The following CLEC2D variants were observed in gnomAD, a reference collection of about 807,000 sequenced individuals.
CLEC2D encodes C-type lectin related f.
Under a neutral mutation model 20.0 loss-of-function variants are expected in CLEC2D, and 16 were observed. The observed-to-expected ratio is 0.80, with a 90% CI of 0.54 to 1.22. CLEC2D has a LOEUF of 1.22. Among genes scored for constraint, CLEC2D ranks in the 50% most tolerant of loss-of-function variants. CLEC2D has a pLI of 0.00. For synonymous variants in CLEC2D, 77 were observed against 71.1 expected (o/e 1.08, Z -0.42); for missense variants, 207 against 221.5 (o/e 0.93, Z 0.42).
In CLEC2D at chr12:9,699,093, A is replaced by T. The variant is rs114338296; in HGVS notation, c.*4219A>T. 6.6e-6 allele frequency: 1 copy of T among 152,166 alleles called. No homozygotes were observed. Among genetic ancestry groups the T allele is most frequent in the African/African-American group, 2.4e-5 (1 of 41,524 alleles). 9.4% of individuals were successfully genotyped at this position (152,166 alleles called of 1,614,324 possible). ...GACTTTGTCCCAGGCCATTTATGTG[A>T]TCTTCACCCCATTAAGTTCTCCCCA... On this transcript the variant is annotated 3_prime_UTR_variant, in exon 5 of 5. Coordinates refer to ENST00000290855, the MANE Select transcript of CLEC2D (RefSeq NM_013269.6).
intron 1 of CLEC2D, among the ~76,000 whole-genome samples, chr12:9,671,307 C>T (rs938492179): frequency 9.2e-5 from 14 of 152,090 alleles, no homozygotes; most frequent in East Asian, 5.8e-4. Context: ...CACTGCAAGC[C>T]CCGCCTCCTG....
rs1865396104 is a variant in CLEC2D at position 9,670,540 on chromosome 12, T to C, written c.61+745T>C. On this transcript the variant is annotated intron_variant, in intron 1 of 4. Coordinates refer to ENST00000290855, the MANE Select transcript of CLEC2D (RefSeq NM_013269.6). ...TTTATACCAAATGCTTTAAACTGTT[T>C]GTCGGATAGTTCCAACATCTCTGTC... 2.0e-5 allele frequency among the ~76,000 whole-genome samples: 3 copies of C among 152,240 alleles called. No individual in the cohort carries two copies. In the South Asian group the frequency reaches 6.2e-4, roughly 32 times the overall value.
At chr12:9,684,430 G>A (rs1865710296) in intron 2 of CLEC2D, among the ~76,000 whole-genome samples, 1 of 152,182 alleles carries the variant, frequency 6.6e-6, no homozygotes, top group Non-Finnish European at 1.5e-5. Context: ...GAATAGGAGT[G>A]GTGAGAGAGG....
chr12:9,675,946 G>A (rs1364162001), intron 1 of CLEC2D, among the ~76,000 whole-genome samples: 2 of 152,046 alleles, frequency 1.3e-5, no homozygotes, highest in Non-Finnish European at 2.9e-5. Flanking sequence ...GTTTATTTCT[G>A]GCATATAGAA....
At position 9,696,134 on chromosome 12, in the gene CLEC2D, A is replaced by G. The variant is rs1865988170; in HGVS notation, c.*1260A>G. ...ATAGAAAAACGTGGTTCTCTTCCCA[A>G]AGTGGAAACCAAGTTCATCAATTAT... On this transcript the variant is annotated 3_prime_UTR_variant, in exon 5 of 5. Coordinates refer to ENST00000290855, the MANE Select transcript of CLEC2D (RefSeq NM_013269.6). 7 of 939,266 alleles carry G rather than the reference A, an allele frequency of 7.5e-6. No individual in the cohort carries two copies. Among genetic ancestry groups the G allele is most frequent in the South Asian group, 2.6e-5 (2 of 77,600 alleles). The allele number at this position is 939,266 out of a possible 1,614,324, so 58.2% of individuals were successfully genotyped here. A position where few individuals can be genotyped will look rare whatever the true frequency, so the allele number is the denominator to read the frequency against.
rs906705327 is a variant in CLEC2D at position 9,692,107 on chromosome 12, T to C, written c.358-721T>C. Among the ~76,000 whole-genome samples the C allele has an allele frequency of 2.6e-5, 4 of 151,860 alleles. No individual in the cohort carries two copies. In the East Asian group the frequency reaches 7.7e-4, roughly 29 times the overall value. ...GTGTCTTTTCTTTCTCTTTCTTTCT[T>C]TCTTTCTTTCTCTTTCTTTCGTTCG... On this transcript the variant is annotated intron_variant, in intron 3 of 4. Coordinates refer to ENST00000290855, the MANE Select transcript of CLEC2D (RefSeq NM_013269.6).
intron 1 of CLEC2D, among the ~76,000 whole-genome samples, chr12:9,674,553 C>T (rs1452223578): frequency 6.6e-6 from 1 of 152,238 alleles, no homozygotes; most frequent in African/African-American, 2.4e-5. Context: ...TGGCCCCTCC[C>T]TTCAAGTATG....
Position 9,696,061 on chromosome 12 carries a change from A to T in CLEC2D, c.*1187A>T, listed in dbSNP as rs1865986224. The T allele has an allele frequency of 8.0e-7, 1 of 1,246,886 alleles. No homozygotes were observed. The highest frequency in any genetic ancestry group is 1.2e-6 in the Non-Finnish European group (1 of 860,020). 77.2% of individuals were successfully genotyped at this position (1,246,886 alleles called of 1,614,324 possible). Reference sequence around the variant, plus strand: ...ACAGGAAAAATCTCCTAAAACACCAAAAGGATCTAGTTCTGTAGAAGACAT... The same window carrying T: ...ACAGGAAAAATCTCCTAAAACACCATAAGGATCTAGTTCTGTAGAAGACAT... On this transcript the variant is annotated 3_prime_UTR_variant, in exon 5 of 5. Transcript: ENST00000290855.
In CLEC2D at chr12:9,691,960, G is replaced by A. The variant is rs115670497; in HGVS notation, c.358-868G>A. Among the ~76,000 whole-genome samples the A allele has an allele frequency of 3.2e-3, 488 of 152,186 alleles. 4 individuals are homozygous for A. The highest frequency in any genetic ancestry group is 0.011 in the African/African-American group (462 of 41,534). ...GAAAATTGTTTATATATTTAATTGC[G>A]TTAAAATTCAGAACTTGTAATCATA... On this transcript the variant is annotated intron_variant, in intron 3 of 4. Coordinates refer to ENST00000290855, the MANE Select transcript of CLEC2D (RefSeq NM_013269.6).
chr12:9,669,801 AAGCTGGGCTCTACAGAGTAAG>A lies in CLEC2D; in HGVS notation c.61+7_61+27del. The A allele has an allele frequency of 6.2e-7, 1 of 1,606,296 alleles. No homozygotes were observed. Among genetic ancestry groups the A allele is most frequent in the South Asian group, 1.1e-5 (1 of 90,958 alleles). On this transcript the variant is annotated splice_region_variant and intron_variant, in intron 1 of 4. Coordinates refer to ENST00000290855, the MANE Select transcript of CLEC2D (RefSeq NM_013269.6). ...TGAATTGCCTGCAAACCCAGGTAAG[AAGCTGGGCTCTACAGAGTAAG>A]TGTGAGGACTGGAATGGGAAGGTAG...
At chr12:9,681,159 C>A in intron 2 of CLEC2D, 126 bp downstream of exon 2, 1 of 559,288 alleles carries the variant, frequency 1.8e-6, no homozygotes, top group Non-Finnish European at 3.1e-6. Flanking sequence ...GAGTTACACT[C>A]CAATAACTTT....
Position 9,692,885 on chromosome 12 carries a change from C to G in CLEC2D, c.415C>G (p.Gln139Glu). Residue 139 changes from glutamine (Q) to glutamate (E), a missense_variant, in exon 4 of 5, where the codon CAA becomes GAA. Gln to Glu is a conservative substitution (Grantham distance 29). Transcript: ENST00000290855. ...TCACTGGATTGGGCTGAGCAGAGAA[C>G]AAGGCCAACCATGGAAATGGATAAA... ...SDHWIGLSRE[Q>E]GQPWKWINGT... The G allele has an allele frequency of 6.2e-7, 1 of 1,613,688 alleles. No individual in the cohort carries two copies. The highest frequency in any genetic ancestry group is 8.5e-7 in the Non-Finnish European group (1 of 1,179,800).
intron 1 of CLEC2D, among the ~76,000 whole-genome samples, chr12:9,671,134 C>T (rs942503724): frequency 2.6e-5 from 4 of 151,972 alleles, no homozygotes; most frequent in South Asian, 4.2e-4. Flanking sequence ...ATGTGGCAGA[C>T]GGACAGTGAG....
At chr12:9,681,204 G>A (rs1375554522) in intron 2 of CLEC2D, among the ~76,000 whole-genome samples, 171 bp downstream of exon 2, 1 of 152,062 alleles carries the variant, frequency 6.6e-6, no homozygotes, top group Non-Finnish European at 1.5e-5. Context: ...TATGTAAATA[G>A]GGTTCACATT....
chr12:9,691,640 C>T (rs1865865355), intron 3 of CLEC2D, among the ~76,000 whole-genome samples: 1 of 152,140 alleles, frequency 6.6e-6, no homozygotes, highest in South Asian at 2.1e-4. Flanking sequence ...AATTTAAAAA[C>T]CCGCTCTTCA....
At chr12:9,677,841 C>T (rs777800903) in intron 1 of CLEC2D, among the ~76,000 whole-genome samples, 14 of 151,978 alleles carry the variant, frequency 9.2e-5, no homozygotes. Flanking sequence ...CCTCCCACCT[C>T]AGTCTCCTGA....
chr12:9,684,673 T>C (rs1865715085), intron 2 of CLEC2D, among the ~76,000 whole-genome samples: 2 of 152,204 alleles, frequency 1.3e-5, no homozygotes, highest in South Asian at 4.1e-4. Flanking sequence ...GCTTATGTAA[T>C]GGATTACATT....
chr12:9,698,964 G>C lies in CLEC2D; in HGVS notation c.*4090G>C, dbSNP rs1866064735. ...ACAGTTAATTCTGGTGCCTTCCATG[G>C]GTTTTCATTAACTGAAGTCATATTG... is the stretch of plus-strand genomic sequence containing the variant. On this transcript the variant is annotated 3_prime_UTR_variant, in exon 5 of 5. Coordinates refer to ENST00000290855, the MANE Select transcript of CLEC2D (RefSeq NM_013269.6). 2 of 152,102 alleles carry C rather than the reference G, an allele frequency of 1.3e-5. 1 individual carries two copies. Among genetic ancestry groups the C allele is most frequent in the Non-Finnish European group, 2.9e-5 (2 of 68,010 alleles). The allele number at this position is 152,102 out of a possible 1,614,324, so 9.4% of individuals were successfully genotyped here.
At chr12:9,689,710 C>A (rs1865824148) in intron 3 of CLEC2D, among the ~76,000 whole-genome samples, 1 of 151,838 alleles carries the variant, frequency 6.6e-6, no homozygotes, top group Non-Finnish European at 1.5e-5. Context: ...AGTACAATGA[C>A]TGAAATTTAA....
Sources: gnomAD v4.1 joint callset for allele counts (sites outside exome capture counted in the v4.1 genomes callset) on GRCh38, gnomAD v4.1.1 for gene constraint, MANE v1.5 for transcripts, NCBI Gene and HGNC (gene_info 2026-07-23, HGNC 2026-07-21) for gene names.